The following MAPK14 variants were observed in gnomAD, a reference collection of about 807,000 sequenced individuals.
The protein encoded by MAPK14 is mitogen-activated protein kinase 14.
In MAPK14, 16 loss-of-function variants were observed where a neutral mutation model predicts 49.6. The ratio of observed to expected loss-of-function variants is 0.32; its 90% CI spans 0.22 to 0.49. The LOEUF (loss-of-function observed/expected upper bound fraction) is 0.49. Ranked by LOEUF, MAPK14 falls within the 20% of genes least tolerant of loss-of-function variation. MAPK14 has a pLI of 0.99. For missense variants in MAPK14, 200 were observed against 441.2 expected, an observed-to-expected ratio of 0.45 and a Z score of 4.90; for synonymous variants, 142 against 158.0, an observed-to-expected ratio of 0.90 and a Z score of 0.76.
intron 4 of MAPK14, 82 bp downstream of exon 4, chr6:36,073,066 C>A: frequency 1.2e-6 from 1 of 866,840 alleles, no homozygotes. Context: ...AACAAGTAAA[C>A]AACTTTTCTA....
chr6:36,111,944 C>A (rs926547467), downstream of MAPK14, among the ~76,000 whole-genome samples: 7 of 152,114 alleles, frequency 4.6e-5, no homozygotes, highest in Admixed American at 4.6e-4. Context: ...TGGTGGCTCA[C>A]GCCTGTAATC....
At position 36,108,455 on chromosome 6, in the gene MAPK14, G is replaced by C; in HGVS notation, c.*8G>C. 2.5e-6 allele frequency: 4 copies of C among 1,612,272 alleles called. No homozygotes were observed. Among genetic ancestry groups the C allele is most frequent in the Non-Finnish European group, 3.4e-6 (4 of 1,178,316 alleles). On this transcript the variant is annotated 3_prime_UTR_variant, in exon 12 of 12. Transcript: ENST00000229794. ...GAAGAGATGGAGTCCTGAGCACCTG[G>C]TTTCTGTTCTGTTGATCCCACTTCA... is the stretch of plus-strand genomic sequence containing the variant.
chr6:36,090,040 A>G (rs948089748), intron 8 of MAPK14, among the ~76,000 whole-genome samples: 2 of 152,254 alleles, frequency 1.3e-5, no homozygotes, highest in African/African-American at 4.8e-5. Flanking sequence ...CTCTTAAGAC[A>G]TAATGGGTTA....
chr6:36,075,016 G>A (rs1392228883), intron 6 of MAPK14, among the ~76,000 whole-genome samples: 1 of 151,744 alleles, frequency 6.6e-6, no homozygotes, highest in East Asian at 2.0e-4. Flanking sequence ...TATGAGGTCA[G>A]GAGATAGAGA....
chr6:36,058,376 TA>T (rs1473904355), intron 2 of MAPK14, among the ~76,000 whole-genome samples: 1 of 152,248 alleles, frequency 6.6e-6, no homozygotes, highest in Non-Finnish European at 1.5e-5. Context: ...AGTACATACG[TA>T]AGGCAAGGAC....
chr6:36,034,321 A>G (rs997781760), intron 1 of MAPK14, among the ~76,000 whole-genome samples: 2 of 152,230 alleles, frequency 1.3e-5, no homozygotes, highest in East Asian at 1.9e-4. Context: ...TCCTGAATTT[A>G]TGAATCCTAT....
rs1764372115 is a variant in MAPK14, at chr6:36,073,062, T to C, written c.417+78T>C. On this transcript the variant is annotated intron_variant, in intron 4 of 11. Coordinates refer to ENST00000229794, the MANE Select transcript of MAPK14 (RefSeq NM_139012.3). Reference sequence around the variant, plus strand: ...TCCTTTTAGGGCTTAAACAAACAAGTAAACAACTTTTCTAATGGAAAATTC... The same window carrying C: ...TCCTTTTAGGGCTTAAACAAACAAGCAAACAACTTTTCTAATGGAAAATTC... 4 of 892,622 alleles carry C rather than the reference T, an allele frequency of 4.5e-6. No homozygotes were observed. The African/African-American group carries it at 4.9e-5, about 11-fold the overall frequency. The allele number at this position is 892,622 out of a possible 1,614,324, so 55.3% of individuals were successfully genotyped here.
intron 10 of MAPK14, among the ~76,000 whole-genome samples, chr6:36,106,820 C>G (rs934789359): frequency 6.6e-6 from 1 of 151,658 alleles, no homozygotes; most frequent in African/African-American, 2.4e-5. Flanking sequence ...CATGTCTCAC[C>G]CTCATCACCA....
intron 8 of MAPK14, among the ~76,000 whole-genome samples, chr6:36,077,613 T>G (rs78502270): frequency 1.1e-4 from 17 of 152,318 alleles, no homozygotes; most frequent in African/African-American, 4.1e-4. Context: ...GTGTTCTAAC[T>G]ATCTTCTGCT....
chr6:36,080,781 A>G (rs555296085), intron 8 of MAPK14, among the ~76,000 whole-genome samples: 1 of 151,846 alleles, frequency 6.6e-6, no homozygotes, highest in South Asian at 2.1e-4. Context: ...ACTCTTTTCC[A>G]TAGTGTCTGC....
At chr6:36,111,681 T>C (rs1765975407), downstream of MAPK14, among the ~76,000 whole-genome samples, 1 of 152,162 alleles carries the variant, frequency 6.6e-6, no homozygotes, top group East Asian at 1.9e-4. Context: ...GTGCTTCCTT[T>C]CTTGGTGTCC....
rs1452871681 is a variant in MAPK14, at chr6:36,027,910, G to C, written c.-248G>C. On this transcript the variant is annotated 5_prime_UTR_variant, in exon 1 of 12. Coordinates refer to ENST00000229794, the MANE Select transcript of MAPK14 (RefSeq NM_139012.3). The stretch of plus-strand genomic sequence containing the variant: ...GTGCAGGGAGATCGCGGCGGGCGCA[G>C]TCTTGAGCGCCGGAGCGCGTCCCTG... The C allele has an allele frequency of 2.4e-6, 1 of 414,936 alleles. No homozygotes were observed. The highest frequency in any genetic ancestry group is 4.2e-6 in the Non-Finnish European group (1 of 237,922). 25.7% of individuals were successfully genotyped at this position (414,936 alleles called of 1,614,324 possible).
intron 1 of MAPK14, among the ~76,000 whole-genome samples, chr6:36,051,096 C>G (rs1003703763): frequency 6.6e-6 from 1 of 151,488 alleles, no homozygotes; most frequent in African/African-American, 2.4e-5. Context: ...TGGAACTGGC[C>G]CAGACAATTT....
intron 8 of MAPK14, among the ~76,000 whole-genome samples, chr6:36,084,711 A>G (rs953092189): frequency 7.9e-5 from 12 of 151,912 alleles, no homozygotes; most frequent in African/African-American, 1.4e-4. Context: ...AGGGGTACCT[A>G]AAAGAATTGG....
downstream of MAPK14, among the ~76,000 whole-genome samples, chr6:36,114,839 G>A (rs72657687): frequency 0.11 from 16,287 of 152,076 alleles, 1,673 homozygotes; most frequent in East Asian, 0.51. Flanking sequence ...ATTAAACTGG[G>A]GGTATGACTA....
At chr6:36,058,627 GGT>G (rs1020600264) in intron 2 of MAPK14, among the ~76,000 whole-genome samples, 2 of 152,126 alleles carry the variant, frequency 1.3e-5, no homozygotes, top group African/African-American at 4.8e-5. Flanking sequence ...GGCTGGCCGT[GGT>G]GGCTCACTGC....
rs9366898 is a variant in MAPK14 at position 36,090,509 on chromosome 6, A to G, written c.683-5478A>G. Among the ~76,000 whole-genome samples, 6 of 149,420 alleles carry G rather than the reference A, an allele frequency of 4.0e-5. No individual in the cohort carries two copies. In the East Asian group the frequency reaches 7.8e-4, roughly 20 times the overall value. On this transcript the variant is annotated intron_variant, in intron 8 of 11. Coordinates refer to ENST00000229794, the MANE Select transcript of MAPK14 (RefSeq NM_139012.3). ...CAGGTGTGGCCACTGCACCCTGCCA[A>G]ATATTCTCCCTCTCTCTCTTTTTTT... is the stretch of plus-strand genomic sequence containing the variant.
chr6:36,097,490 T>A (rs1446442903), intron 9 of MAPK14: 2 of 152,198 alleles, frequency 1.3e-5, no homozygotes, highest in African/African-American at 4.8e-5. Context: ...TTTTTTTTAA[T>A]GTTTTTGCTT....
At chr6:36,065,457 GA>G (rs1262934087) in intron 3 of MAPK14, among the ~76,000 whole-genome samples, 1 of 151,090 alleles carries the variant, frequency 6.6e-6, no homozygotes, top group African/African-American at 2.4e-5. Flanking sequence ...GAAAGGTGGG[GA>G]AAGTACAAGT....
Sources: allele counts gnomAD v4.1 joint callset (sites outside exome capture counted in the v4.1 genomes callset), GRCh38; gene constraint gnomAD v4.1.1; transcripts MANE v1.5; gene names NCBI Gene and HGNC (gene_info 2026-07-23, HGNC 2026-07-21).